The following MRTFA variants were observed in gnomAD, a reference collection of about 807,000 sequenced individuals.
MRTFA encodes myocardin related transcription factor A, also known as myocardin-related transcription factor A.
A neutral mutation model predicts 83.5 loss-of-function variants in MRTFA; 20 were observed. The ratio of observed to expected loss-of-function variants is 0.24; its 90% CI spans 0.17 to 0.35. The LOEUF (loss-of-function observed/expected upper bound fraction) is 0.35. MRTFA is among the 10% of genes least tolerant of loss of function. The pLI, the probability that MRTFA is intolerant of heterozygous loss-of-function variation, is 1.00. For synonymous variants in MRTFA, 659 were observed against 541.2 expected, an observed-to-expected ratio of 1.22 and a Z score of -3.02; for missense variants, 1,200 against 1,224.7, an observed-to-expected ratio of 0.98 and a Z score of 0.30.
chr22:40,487,360 G>A (rs532444571), intron 3 of MRTFA, among the ~76,000 whole-genome samples: 7 of 152,242 alleles, frequency 4.6e-5, no homozygotes, highest in East Asian at 1.9e-4. Flanking sequence ...ACTTTCATAC[G>A]TATCTCATTT....
rs980376038 is a variant in MRTFA at position 40,573,540 on chromosome 22, C to A, written c.-22+21134G>T. On this transcript the variant is annotated intron_variant, in intron 2 of 14. Transcript: ENST00000355630. The stretch of plus-strand genomic sequence containing the variant: ...AAAGTGATGGGATTACAGGCATGAA[C>A]CACCGTGCCTGGCTGAATTATGTAC... Among the ~76,000 whole-genome samples the A allele has an allele frequency of 7.2e-5, 11 of 152,154 alleles. No homozygotes were observed. In the South Asian group the frequency reaches 2.3e-3, roughly 32 times the overall value.
intron 3 of MRTFA, among the ~76,000 whole-genome samples, chr22:40,541,729 C>T (rs933518875): frequency 9.2e-5 from 14 of 152,132 alleles, no homozygotes; most frequent in Non-Finnish European, 1.3e-4. Context: ...TGCAGTGGCG[C>T]GGTCTCGGCT....
Position 40,543,213 on chromosome 22 carries a change from C to A in MRTFA, c.241+8893G>T, listed in dbSNP as rs563386760. Among the ~76,000 whole-genome samples the A allele has an allele frequency of 2.0e-5, 3 of 152,278 alleles. No individual in the cohort carries two copies. In the South Asian group the frequency reaches 6.2e-4, roughly 32 times the overall value. On this transcript the variant is annotated intron_variant, in intron 3 of 14. Coordinates refer to ENST00000355630, the MANE Select transcript of MRTFA (RefSeq NM_020831.6). The stretch of plus-strand genomic sequence containing the variant: ...AGGAATATAATTAACAAAACTCTTT[C>A]CTTTCCCCAAGAAATACTGTAATTT...
intron 3 of MRTFA, among the ~76,000 whole-genome samples, chr22:40,471,548 A>C (rs987152164): frequency 6.6e-6 from 1 of 152,240 alleles, no homozygotes. Context: ...AGAAAAGCCC[A>C]GGTCCAGAAA....
chr22:40,506,441 T>C (rs747512835), intron 3 of MRTFA, among the ~76,000 whole-genome samples: 8 of 152,192 alleles, frequency 5.3e-5, no homozygotes, highest in Non-Finnish European at 8.8e-5. Flanking sequence ...CTTCCCAGCA[T>C]AACTCAGTTT....
At chr22:40,450,289 G>A (rs545374161) in intron 4 of MRTFA, among the ~76,000 whole-genome samples, 1 of 152,254 alleles carries the variant, frequency 6.6e-6, no homozygotes, top group African/African-American at 2.4e-5. Context: ...ATGTACCAAA[G>A]GGTTATTATG....
intron 3 of MRTFA, among the ~76,000 whole-genome samples, chr22:40,504,321 C>G (rs2054545711): frequency 6.6e-6 from 1 of 152,106 alleles, no homozygotes; most frequent in Non-Finnish European, 1.5e-5. Context: ...CAAGGCTGTA[C>G]TAAGCTATGA....
At chr22:40,531,793 A>G (rs2055086640) in intron 3 of MRTFA, among the ~76,000 whole-genome samples, 1 of 152,202 alleles carries the variant, frequency 6.6e-6, no homozygotes. Flanking sequence ...CAGCTGTCAT[A>G]TTACTGTTAC....
At chr22:40,536,346 G>A (rs2055173870) in intron 3 of MRTFA, among the ~76,000 whole-genome samples, 1 of 151,050 alleles carries the variant, frequency 6.6e-6, no homozygotes, top group Non-Finnish European at 1.5e-5. Context: ...CCCGACCGCC[G>A]GGAGGATGGA....
chr22:40,456,982 G>C (rs1284898118), intron 4 of MRTFA, among the ~76,000 whole-genome samples: 3 of 152,124 alleles, frequency 2.0e-5, no homozygotes, highest in African/African-American at 7.2e-5. Context: ...CATGTACTCA[G>C]GAAAAAGAAT....
chr22:40,497,050 C>A (rs2054366757), intron 3 of MRTFA, among the ~76,000 whole-genome samples: 1 of 152,316 alleles, frequency 6.6e-6, no homozygotes, highest in South Asian at 2.1e-4. Context: ...GTTGTGGACA[C>A]AGAAAGGTGA....
At chr22:40,590,510 T>C (rs1602470113) in intron 2 of MRTFA, among the ~76,000 whole-genome samples, 1 of 149,638 alleles carries the variant, frequency 6.7e-6, no homozygotes, top group Non-Finnish European at 1.5e-5. Flanking sequence ...CTACTAAAAA[T>C]ACAAAAATTA....
At chr22:40,634,693 AGTCT>A (rs1220195966) in intron 1 of MRTFA, among the ~76,000 whole-genome samples, 4 of 152,240 alleles carry the variant, frequency 2.6e-5, no homozygotes, top group Non-Finnish European at 4.4e-5. Flanking sequence ...TGGAACAAAA[AGTCT>A]GTTGAATGAA....
intron 2 of MRTFA, among the ~76,000 whole-genome samples, chr22:40,555,681 G>A (rs1253855335): frequency 1.3e-5 from 2 of 150,040 alleles, no homozygotes; most frequent in African/African-American, 2.5e-5. Context: ...CTGTTGCCCA[G>A]CCTGGAGTGC....
At chr22:40,457,441 A>AT in intron 4 of MRTFA, among the ~76,000 whole-genome samples, 2 of 99,292 alleles carry the variant, frequency 2.0e-5, no homozygotes, top group South Asian at 6.0e-4. Context: ...AGAAAGAGAA[A>AT]GAAAGAAAGA....
Position 40,552,306 on chromosome 22 carries a change from A to G in MRTFA, c.41T>C (p.Ile14Thr), listed in dbSNP as rs571934774. 382 of 399,050 alleles carry G rather than the reference A, an allele frequency of 9.6e-4. 1 individual carries two copies. In the Middle Eastern group the frequency reaches 0.011, roughly 11 times the overall value. 24.7% of individuals were successfully genotyped at this position (399,050 alleles called of 1,614,324 possible). The change falls in exon 3 of 15, where the codon ATT (isoleucine) becomes ACT (threonine). Residue 14 changes from isoleucine (I) to threonine (T), a missense_variant. By Grantham distance (89) the Ile-to-Thr change is moderately conservative (BLOSUM62 -1). Around this residue, in one of 2 missense-constraint regions of MRTFA, gnomAD observed 93 missense variants for 182.9 expected, o/e 0.51. Coordinates refer to ENST00000355630, the MANE Select transcript of MRTFA (RefSeq NM_020831.6). ...TCCTCCGTCCAGCCCATTCACAGCAATGACGGAAGGGGGCAGGCACACCAC... is the reference window on the plus strand; with the variant it reads ...TCCTCCGTCCAGCCCATTCACAGCAGTGACGGAAGGGGGCAGGCACACCAC...
intron 2 of MRTFA, among the ~76,000 whole-genome samples, chr22:40,562,625 G>A (rs1217697367): frequency 3.8e-5 from 3 of 78,834 alleles, no homozygotes; most frequent in Non-Finnish European, 7.9e-5. Flanking sequence ...GGGGGAGGGA[G>A]AGGAAGGGGG....
intron 1 of MRTFA, among the ~76,000 whole-genome samples, chr22:40,629,457 A>T (rs1267095518): frequency 7.7e-5 from 9 of 116,668 alleles, no homozygotes; most frequent in African/African-American, 1.7e-4. Context: ...AAACATAATT[A>T]AAAAAAAAAA....
At chr22:40,612,336 T>C (rs2056396285) in intron 1 of MRTFA, among the ~76,000 whole-genome samples, 1 of 152,338 alleles carries the variant, frequency 6.6e-6, no homozygotes, top group African/African-American at 2.4e-5. Flanking sequence ...CTTCCTGCAA[T>C]GGGGCTGCAA....
Sources: gnomAD v4.1 joint callset for allele counts (sites outside exome capture counted in the v4.1 genomes callset) on GRCh38, gnomAD v4.1.1 for gene constraint, gnomAD v4.1.1 regional missense constraint, MANE v1.5 for transcripts, NCBI Gene and HGNC (gene_info 2026-07-23, HGNC 2026-07-21) for gene names.